The following FOXP1 variants were observed in gnomAD, a reference collection of about 807,000 sequenced individuals.
FOXP1 encodes the protein forkhead box protein P1.
A neutral mutation model predicts 98.2 loss-of-function variants in FOXP1; 15 were observed. The ratio of observed to expected loss-of-function variants is 0.15; its 90% CI spans 0.10 to 0.24. The LOEUF is 0.24. Ranked by LOEUF, FOXP1 falls within the 10% of genes least tolerant of loss-of-function variation. The probability of loss-of-function intolerance (pLI) is 1.00; values close to 1 mark genes in which losing one functional copy is unlikely to be tolerated. For synonymous variants in FOXP1, 371 were observed against 314.5 expected (o/e 1.18, Z -1.90); for missense variants, 633 against 848.5 (o/e 0.75, Z 3.15).
At chr3:71,504,856 T>G (rs201167608) in intron 2 of FOXP1, among the ~76,000 whole-genome samples, 1 of 152,320 alleles carries the variant, frequency 6.6e-6, no homozygotes, top group East Asian at 1.9e-4. Flanking sequence ...TACTTCCAGT[T>G]CTAACACCAA....
intron 3 of FOXP1, among the ~76,000 whole-genome samples, chr3:71,428,937 G>A (rs958857379): frequency 8.5e-5 from 13 of 152,206 alleles, no homozygotes; most frequent in African/African-American, 2.9e-4. Flanking sequence ...CGTTCAGCTC[G>A]TCCATTCTAC....
intron 6 of FOXP1, among the ~76,000 whole-genome samples, chr3:71,124,408 AAAC>A (rs993184927): frequency 5.3e-5 from 8 of 151,938 alleles, no homozygotes; most frequent in African/African-American, 1.9e-4. Context: ...CCCCAAATAA[AAAC>A]ACCACAATTG....
chr3:71,190,800 G>C (rs955697217), intron 6 of FOXP1, among the ~76,000 whole-genome samples: 7 of 152,050 alleles, frequency 4.6e-5, no homozygotes, highest in Non-Finnish European at 1.0e-4. Context: ...TTTTCTTGTC[G>C]GCAGGGGAGG....
chr3:71,289,016 CTT>C (rs1300915930), intron 5 of FOXP1, among the ~76,000 whole-genome samples: 1 of 114,682 alleles, frequency 8.7e-6, no homozygotes, highest in Non-Finnish European at 2.0e-5. Context: ...TCACAACTCT[CTT>C]CTTATTTATT....
At chr3:71,029,643 G>A (rs1003275589) in intron 11 of FOXP1, among the ~76,000 whole-genome samples, 9 of 152,006 alleles carry the variant, frequency 5.9e-5, no homozygotes, top group African/African-American at 1.7e-4. Context: ...CACCCGCCTC[G>A]GCCTCCCAAA....
At chr3:71,350,303 T>G (rs2077694322) in intron 4 of FOXP1, among the ~76,000 whole-genome samples, 1 of 152,212 alleles carries the variant, frequency 6.6e-6, no homozygotes, top group African/African-American at 2.4e-5. Flanking sequence ...TTCCCTTGGC[T>G]ACTTGGCAAC....
chr3:71,223,444 C>A (rs1479281024), intron 5 of FOXP1, among the ~76,000 whole-genome samples: 2 of 152,014 alleles, frequency 1.3e-5, no homozygotes, highest in Admixed American at 6.6e-5. Context: ...GCCTGTAATC[C>A]CAGCACTTTG....
chr3:71,409,511 T>C (rs988363984), intron 3 of FOXP1, among the ~76,000 whole-genome samples: 3 of 151,956 alleles, frequency 2.0e-5, no homozygotes, highest in Non-Finnish European at 4.4e-5. Flanking sequence ...GGCTAATCTG[T>C]CTATGGAGAC....
intron 3 of FOXP1, among the ~76,000 whole-genome samples, chr3:71,385,872 C>A (rs910148875): frequency 3.3e-5 from 5 of 152,260 alleles, no homozygotes; most frequent in Admixed American, 2.6e-4. Context: ...GGCTTCAGAT[C>A]CACATCTCCA....
intron 3 of FOXP1, among the ~76,000 whole-genome samples, chr3:71,376,355 G>A (rs1294673965): frequency 6.6e-6 from 1 of 152,102 alleles, no homozygotes; most frequent in African/African-American, 2.4e-5. Flanking sequence ...TGTCTCCACT[G>A]AGTCCATTTA....
intron 12 of FOXP1, among the ~76,000 whole-genome samples, chr3:71,002,189 C>G (rs961452846): frequency 6.6e-6 from 1 of 152,190 alleles, no homozygotes; most frequent in East Asian, 1.9e-4. Context: ...TTAAAGCTCA[C>G]TCCTTTGTTA....
chr3:71,381,213 T>C lies in FOXP1; in HGVS notation c.-167-21969A>G, dbSNP rs925341379. ...TCGCCCAGGCTGGAGTTCAGTGATG[T>C]GATCTCGGCTCACTGCAAGCTCCGC... On this transcript the variant is annotated intron_variant, in intron 3 of 20. Transcript: ENST00000649528. 1.9e-4 allele frequency among the ~76,000 whole-genome samples: 29 copies of C among 150,912 alleles called. 1 individual carries two copies. Among genetic ancestry groups the C allele is most frequent in the Admixed American group, 1.5e-3 (23 of 15,146 alleles).
chr3:71,460,011 G>A (rs777806430), intron 3 of FOXP1, among the ~76,000 whole-genome samples: 68 of 150,374 alleles, frequency 4.5e-4, no homozygotes, highest in Non-Finnish European at 9.5e-4. Context: ...TCGGCTCACT[G>A]CAAGCTCTGC....
intron 11 of FOXP1, among the ~76,000 whole-genome samples, chr3:71,029,875 A>G (rs1424403681): frequency 6.6e-6 from 1 of 152,230 alleles, no homozygotes; most frequent in East Asian, 1.9e-4. Context: ...GAGTTATTAT[A>G]TAATACATGC....
intron 2 of FOXP1, chr3:71,573,748 C>T (rs1243509245): frequency 6.6e-6 from 1 of 152,078 alleles, no homozygotes; most frequent in South Asian, 2.1e-4. Flanking sequence ...TAGATGTTAT[C>T]TGAAGATGCC....
chr3:71,421,450 A>G (rs1218393319), intron 3 of FOXP1, among the ~76,000 whole-genome samples: 1 of 152,226 alleles, frequency 6.6e-6, no homozygotes, highest in African/African-American at 2.4e-5. Flanking sequence ...TTTATTCAAT[A>G]AGAACACCAA....
chr3:71,238,554 G>C (rs904312393), intron 5 of FOXP1, among the ~76,000 whole-genome samples: 3 of 152,186 alleles, frequency 2.0e-5, no homozygotes, highest in South Asian at 2.1e-4. Flanking sequence ...ACAGCTGTCT[G>C]ACCTGGGACA....
chr3:71,186,176 A>C (rs1200522835), intron 6 of FOXP1, among the ~76,000 whole-genome samples: 1 of 152,186 alleles, frequency 6.6e-6, no homozygotes. Flanking sequence ...TTTTTATGTT[A>C]ATTTTCTTTG....
intron 6 of FOXP1, among the ~76,000 whole-genome samples, chr3:71,158,123 G>GGGAGGGAGGGAGGGAA (rs2060929215): frequency 3.4e-5 from 2 of 58,540 alleles, no homozygotes; most frequent in African/African-American, 5.6e-5. Flanking sequence ...GAGGGAGGGA[G>GGGAGGGAGGGAGGGAA]GGAGGGAGGG....
Sources: gnomAD v4.1 joint callset for allele counts (sites outside exome capture counted in the v4.1 genomes callset) on GRCh38, gnomAD v4.1.1 for gene constraint, MANE v1.5 for transcripts, NCBI Gene and HGNC (gene_info 2026-07-23, HGNC 2026-07-21) for gene names.